Variants in XPO1 observed in about 807,000 individuals in gnomAD.
The protein encoded by XPO1 is exportin 1, also known as exportin-1.
A neutral mutation model predicts 133.3 loss-of-function variants in XPO1; 5 were observed. The observed-to-expected ratio is 0.04, with a 90% CI of 0.02 to 0.08. XPO1 has a LOEUF of 0.08. Among genes scored for constraint, XPO1 ranks in the 10% least tolerant of loss-of-function variants. The pLI is 1.00. For synonymous variants in XPO1, 419 were observed against 408.2 expected, an observed-to-expected ratio of 1.03 and a Z score of -0.32; for missense variants, 506 against 1,267.5, an observed-to-expected ratio of 0.40 and a Z score of 9.12.
At position 61,498,790 on chromosome 2, in the gene XPO1, T is replaced by C. The variant is rs768699933; in HGVS notation, c.642A>G (p.Glu214=). 1 of 1,613,562 alleles carries C rather than the reference T, an allele frequency of 6.2e-7. No homozygotes were observed. The change falls in exon 9 of 25, where the codon GAA becomes GAG. Residue 214 remains glutamate (E), a splice_region_variant and synonymous_variant. Transcript: ENST00000401558. The stretch of plus-strand genomic sequence containing the variant: ...GTACAAGTGGAGCATTTTGAGAATT[T>C]TCCTATAACAAAACACACTTGTAAA... ...QIFQLCQFVM[E]NSQNAPLVHA...
rs191451063 is a variant in XPO1, at chr2:61,478,252, C to T, written c.*568G>A. On this transcript the variant is annotated 3_prime_UTR_variant, in exon 25 of 25. Transcript: ENST00000401558. Reference sequence around the variant, plus strand: ...AACTGTGTTCCCATATTTTTGAAGTCGCTTTACAATGGGATGATATGCACA... The same window carrying T: ...AACTGTGTTCCCATATTTTTGAAGTTGCTTTACAATGGGATGATATGCACA... The T allele has an allele frequency of 3.2e-4, 74 of 233,626 alleles. No homozygotes were observed. The highest frequency in any genetic ancestry group is 1.6e-3 in the African/African-American group (72 of 45,442). The allele number at this position is 233,626 out of a possible 1,614,324, so 14.5% of individuals were successfully genotyped here. A position where few individuals can be genotyped will look rare whatever the true frequency, so the allele number is the denominator to read the frequency against.
At chr2:61,510,824 T>G (rs1016470828) in intron 4 of XPO1, among the ~76,000 whole-genome samples, 31 of 151,786 alleles carry the variant, frequency 2.0e-4, no homozygotes, top group African/African-American at 6.8e-4. Context: ...GTAGTCCCAG[T>G]TATGCAGGAG....
Position 61,492,899 on chromosome 2 carries a change from GTATT to G in XPO1, c.1384+12_1384+15del, listed in dbSNP as rs753279532. The stretch of plus-strand genomic sequence containing the variant: ...AGATTTATAAAGGTAAAGATTAACA[GTATT>G]TATTAACTTACCCAATGTTTCCCTC... On this transcript the variant is annotated intron_variant, in intron 13 of 24. Transcript: ENST00000401558. This position sits in a 1 kb window ranked among gnomAD's most constrained non-coding sequence, Gnocchi z 5.6. 6 of 1,587,300 alleles carry G rather than the reference GTATT, an allele frequency of 3.8e-6. No homozygotes were observed. The highest frequency in any genetic ancestry group is 1.2e-5 in the South Asian group (1 of 86,606).
At chr2:61,495,685 ATTTT>A in intron 10 of XPO1, 72 bp from the exon 11 acceptor site, 1 of 1,392,458 alleles carries the variant, frequency 7.2e-7, no homozygotes. Context: ...TTTTATTATT[ATTTT>A]TTTGAGACAA....
chr2:61,479,110 A>G, intron 24 of XPO1, 144 bp from the exon 25 acceptor site: 3 of 892,918 alleles, frequency 3.4e-6, no homozygotes, highest in Non-Finnish European at 5.0e-6. Flanking sequence ...TAGGATAGTG[A>G]CACAGTATAC....
chr2:61,488,837 C>T, intron 17 of XPO1, 66 bp from the exon 18 acceptor site: 1 of 1,549,018 alleles, frequency 6.5e-7, no homozygotes, highest in Non-Finnish European at 8.8e-7. Flanking sequence ...AACAGTGGCT[C>T]ACGCCTGTAA....
intron 9 of XPO1, among the ~76,000 whole-genome samples, chr2:61,497,252 G>A (rs571233824): frequency 2.0e-5 from 3 of 152,076 alleles, no homozygotes; most frequent in African/African-American, 7.2e-5. Flanking sequence ...AGTCTCGCTC[G>A]CCCAGGCTGA....
chr2:61,502,459 A>G, intron 4 of XPO1, 149 bp from the exon 5 acceptor site: 2 of 774,262 alleles, frequency 2.6e-6, no homozygotes. Flanking sequence ...GGCATTTTAA[A>G]AAAATTCCGG....
intron 2 of XPO1, among the ~76,000 whole-genome samples, chr2:61,528,337 A>G (rs1171665678): frequency 6.6e-6 from 1 of 152,072 alleles, no homozygotes; most frequent in Non-Finnish European, 1.5e-5. Context: ...TTAATAGTAT[A>G]CTTAAAAATC....
At chr2:61,524,920 G>C (rs562840988) in intron 3 of XPO1, among the ~76,000 whole-genome samples, 1 of 151,848 alleles carries the variant, frequency 6.6e-6, no homozygotes. Context: ...TCTCTTCAAA[G>C]AATTTTTTTT....
At chr2:61,500,263 T>C (rs972517191) in intron 6 of XPO1, among the ~76,000 whole-genome samples, 4 of 151,732 alleles carry the variant, frequency 2.6e-5, no homozygotes, top group African/African-American at 2.4e-5. Flanking sequence ...GGTGGGCAGA[T>C]CACTTGAGGC....
At chr2:61,510,592 A>G (rs953641997) in intron 4 of XPO1, among the ~76,000 whole-genome samples, 1 of 152,186 alleles carries the variant, frequency 6.6e-6, no homozygotes, top group Non-Finnish European at 1.5e-5. Context: ...CAAAAAATCT[A>G]AAAGATTAAA....
chr2:61,497,319 C>A (rs1489406319), intron 9 of XPO1, among the ~76,000 whole-genome samples: 1 of 152,136 alleles, frequency 6.6e-6, no homozygotes, highest in African/African-American at 2.4e-5. Flanking sequence ...TCAAGCGATT[C>A]TCCTGCCTCA....
At chr2:61,484,185 C>A (rs1696554242) in intron 20 of XPO1, 80 bp from the exon 21 acceptor site, 1 of 1,278,846 alleles carries the variant, frequency 7.8e-7, no homozygotes, top group African/African-American at 1.5e-5. Flanking sequence ...AAGGCTTAAT[C>A]CAGTATAAAT....
At chr2:61,510,400 A>G (rs1259387701) in intron 4 of XPO1, among the ~76,000 whole-genome samples, 2 of 152,250 alleles carry the variant, frequency 1.3e-5, no homozygotes, top group Non-Finnish European at 2.9e-5. Flanking sequence ...TCTCAATGAA[A>G]TATTAATAAG....
intron 2 of XPO1, among the ~76,000 whole-genome samples, chr2:61,532,598 G>T (rs1204835933): frequency 1.3e-5 from 2 of 151,538 alleles, no homozygotes; most frequent in African/African-American, 2.4e-5. Context: ...CACACTTTGG[G>T]AGGCCAAGGC....
At chr2:61,526,308 A>C (rs1398603667) in intron 3 of XPO1, 112 bp downstream of exon 3, 1 of 1,454,106 alleles carries the variant, frequency 6.9e-7, no homozygotes, top group Admixed American at 3.2e-5. Context: ...ACAAATTAAC[A>C]ATATAAAATA....
chr2:61,534,978 C>G (rs1425072166), intron 1 of XPO1, among the ~76,000 whole-genome samples: 2 of 152,170 alleles, frequency 1.3e-5, no homozygotes, highest in African/African-American at 4.8e-5. Flanking sequence ...TCCAGGTATT[C>G]ATTGGCAAGG....
chr2:61,487,543 C>A (rs1434154757), intron 19 of XPO1, among the ~76,000 whole-genome samples: 17 of 150,228 alleles, frequency 1.1e-4, no homozygotes, highest in African/African-American at 1.7e-4. Flanking sequence ...AAAAAAAAAA[C>A]CAAAAAACAA....
Sources: gnomAD v4.1 joint callset for allele counts (sites outside exome capture counted in the v4.1 genomes callset) on GRCh38, gnomAD v4.1.1 for gene constraint, Gnocchi (gnomAD v3.1) non-coding constraint, MANE v1.5 for transcripts, NCBI Gene and HGNC (gene_info 2026-07-23, HGNC 2026-07-21) for gene names.